JMJD1C: variants seen among roughly 807,000 people sequenced by gnomAD.
The protein encoded by JMJD1C is jumonji domain containing 1C, also known as jumonji domain-containing protein 1C.
Under a neutral mutation model 245.3 loss-of-function variants are expected in JMJD1C, and 31 were observed. That is an observed-to-expected ratio of 0.13 (90% confidence interval 0.09 to 0.17). The LOEUF (loss-of-function observed/expected upper bound fraction) is 0.17. JMJD1C is among the 10% of genes least tolerant of loss of function. The pLI is 1.00. For synonymous variants in JMJD1C, 1,057 were observed against 1,017.4 expected (o/e 1.04, Z -0.74); for missense variants, 2,691 against 3,000.2 (o/e 0.90, Z 2.41).
intron 2 of JMJD1C, among the ~76,000 whole-genome samples, chr10:63,315,775 G>C (rs1356774536): frequency 1.3e-5 from 2 of 150,690 alleles, no homozygotes; most frequent in African/African-American, 4.9e-5. Flanking sequence ...ACGAGGCAGA[G>C]GTTGCAGTGA....
At chr10:63,263,240 G>C (rs1442856020) in intron 3 of JMJD1C, among the ~76,000 whole-genome samples, 1 of 152,100 alleles carries the variant, frequency 6.6e-6, no homozygotes, top group Non-Finnish European at 1.5e-5. Context: ...AAAAAACTAG[G>C]TCCTTTAAAG....
At chr10:63,465,421 G>A (rs1020048576) in intron 1 of JMJD1C, 74 bp downstream of exon 1, 54 of 1,411,352 alleles carry the variant, frequency 3.8e-5, no homozygotes, top group African/African-American at 2.4e-4. Flanking sequence ...GCGCCAGAGG[G>A]AAGCCTGCAA....
At chr10:63,407,777 A>G (rs1159860270) in intron 1 of JMJD1C, among the ~76,000 whole-genome samples, 2 of 151,852 alleles carry the variant, frequency 1.3e-5, no homozygotes, top group African/African-American at 4.8e-5. Flanking sequence ...CATAATCAAA[A>G]GCAAAAGGAT....
intron 2 of JMJD1C, among the ~76,000 whole-genome samples, chr10:63,354,183 TTAAGTACAATATAAA>T (rs1485413585): frequency 2.6e-5 from 4 of 152,176 alleles, no homozygotes; most frequent in Admixed American, 6.5e-5. Flanking sequence ...ACTGCAAAGG[TTAAGTACAATATAAA>T]TAGTAATCCA....
In JMJD1C at chr10:63,327,787, G is replaced by T. The variant is rs368462427; in HGVS notation, c.333+52531C>A. On this transcript the variant is annotated intron_variant, in intron 2 of 25. Coordinates refer to ENST00000399262, the MANE Select transcript of JMJD1C (RefSeq NM_032776.3). Reference sequence around the variant, plus strand: ...AGATTCAAGCGATTCTCCTGCCTCAGCCTCCCGAGTAGCTAGGATTACAGA... The same window carrying T: ...AGATTCAAGCGATTCTCCTGCCTCATCCTCCCGAGTAGCTAGGATTACAGA... Among the ~76,000 whole-genome samples, 49 of 152,054 alleles carry T rather than the reference G, an allele frequency of 3.2e-4. No individual in the cohort carries two copies. The East Asian group carries it at 8.8e-3, about 27-fold the overall frequency.
At chr10:63,395,825 T>C (rs1479622635) in intron 1 of JMJD1C, among the ~76,000 whole-genome samples, 1 of 152,124 alleles carries the variant, frequency 6.6e-6, no homozygotes, top group African/African-American at 2.4e-5. Flanking sequence ...TTAGTATAAT[T>C]AAAAGAAGCC....
Position 63,226,456 on chromosome 10 carries a change from T to C in JMJD1C, c.448-6473A>G, listed in dbSNP as rs1297396263. Among the ~76,000 whole-genome samples the C allele has an allele frequency of 2.0e-5, 3 of 152,164 alleles. No homozygotes were observed. In the East Asian group the frequency reaches 5.8e-4, roughly 29 times the overall value. ...GGCCGGGTGCGGTGGCTCACACCTA[T>C]AATCCCAGCACTTCAGGAGGCCAAG... On this transcript the variant is annotated intron_variant, in intron 3 of 25. Coordinates refer to ENST00000399262, the MANE Select transcript of JMJD1C (RefSeq NM_032776.3).
At chr10:63,506,621 A>G (rs1219015663) in intron 1 of JMJD1C, among the ~76,000 whole-genome samples, 2 of 152,182 alleles carry the variant, frequency 1.3e-5, no homozygotes, top group Non-Finnish European at 2.9e-5. Flanking sequence ...TTTGTTTCTT[A>G]AGACTGTTTT....
intron 1 of JMJD1C, among the ~76,000 whole-genome samples, chr10:63,459,112 G>A (rs909868330): frequency 2.0e-5 from 3 of 152,064 alleles, no homozygotes; most frequent in South Asian, 2.1e-4. Flanking sequence ...ACAGTTCCTA[G>A]GCAACATGTA....
At chr10:63,369,190 C>T (rs1037123563) in intron 2 of JMJD1C, among the ~76,000 whole-genome samples, 3 of 151,474 alleles carry the variant, frequency 2.0e-5, no homozygotes, top group African/African-American at 7.3e-5. Context: ...CTCTGTTGCC[C>T]AGGAGTGCAA....
chr10:63,301,751 C>T lies in JMJD1C; in HGVS notation c.334-36987G>A, dbSNP rs553922196. 315 of 451,808 alleles carry T rather than the reference C, an allele frequency of 7.0e-4. 3 individuals carry two copies. Among genetic ancestry groups the T allele is most frequent in the South Asian group, 4.6e-3 (298 of 64,102 alleles). 28.0% of individuals were successfully genotyped at this position (451,808 alleles called of 1,614,324 possible). A position where few individuals can be genotyped will look rare whatever the true frequency, so the allele number is the denominator to read the frequency against. ...GATGACGCAGCAAACCACCATGGCA[C>T]GTGTATACATACCTATGTAACAAAC... On this transcript the variant is annotated intron_variant, in intron 2 of 25. Transcript: ENST00000399262.
intron 2 of JMJD1C, among the ~76,000 whole-genome samples, chr10:63,265,045 G>C (rs546661224): frequency 4.6e-5 from 7 of 152,064 alleles, no homozygotes. Flanking sequence ...AAATATGCAT[G>C]TGTGTAAAAA....
rs553199006 is a variant in JMJD1C at position 63,451,380 on chromosome 10, C to T, written c.168+14115G>A. On this transcript the variant is annotated intron_variant, in intron 1 of 25. Coordinates refer to ENST00000399262, the MANE Select transcript of JMJD1C (RefSeq NM_032776.3). ...ACACTTCCTGATTTCAAACTTACTA[C>T]AAACCCACAGTAATCAAAAACGCTG... 2.3e-4 allele frequency among the ~76,000 whole-genome samples: 35 copies of T among 152,240 alleles called. No homozygotes were observed. In the South Asian group the frequency reaches 7.0e-3, roughly 31 times the overall value.
intron 13 of JMJD1C, among the ~76,000 whole-genome samples, chr10:63,195,792 G>C (rs538456518): frequency 6.6e-6 from 1 of 152,050 alleles, no homozygotes; most frequent in Non-Finnish European, 1.5e-5. Flanking sequence ...AGCTGGGCTT[G>C]GTGGCAGGCG....
chr10:63,176,198 G>C, intron 24 of JMJD1C, 99 bp downstream of exon 24: 1 of 682,690 alleles, frequency 1.5e-6, no homozygotes, highest in Non-Finnish European at 2.3e-6. Context: ...TCTCTTATTT[G>C]CATCTTCTTC....
chr10:63,382,711 C>G, intron 1 of JMJD1C: 1 of 450,714 alleles, frequency 2.2e-6, no homozygotes, highest in Admixed American at 2.4e-5. Flanking sequence ...ACCCTTCGCT[C>G]CCCTACTTTC....
chr10:63,198,442 C>T, intron 12 of JMJD1C, 71 bp downstream of exon 12: 1 of 978,762 alleles, frequency 1.0e-6, no homozygotes. Flanking sequence ...GGACTTCTTT[C>T]ACAAACATAA....
At chr10:63,275,321 C>G (rs1350754972) in intron 2 of JMJD1C, among the ~76,000 whole-genome samples, 1 of 152,128 alleles carries the variant, frequency 6.6e-6, no homozygotes, top group Non-Finnish European at 1.5e-5. Context: ...AAACTTTAAA[C>G]TTTGAACGCT....
At chr10:63,181,461 G>A (rs1416507853) in intron 22 of JMJD1C, among the ~76,000 whole-genome samples, 1 of 152,114 alleles carries the variant, frequency 6.6e-6, no homozygotes, top group Non-Finnish European at 1.5e-5. Context: ...AGTTTGCCAG[G>A]AAGACATGGA....
Sources: gnomAD v4.1 joint callset for allele counts (sites outside exome capture counted in the v4.1 genomes callset) on GRCh38, gnomAD v4.1.1 for gene constraint, MANE v1.5 for transcripts, NCBI Gene and HGNC (gene_info 2026-07-23, HGNC 2026-07-21) for gene names.